Variants in IFITM10 observed in about 807,000 individuals in gnomAD.
IFITM10 encodes interferon induced transmembrane protein 10, also known as interferon-induced transmembrane protein 10.
Under a neutral mutation model 19.0 loss-of-function variants are expected in IFITM10, and 17 were observed. That is an observed-to-expected ratio of 0.90 (90% CI 0.61 to 1.34). The LOEUF (loss-of-function observed/expected upper bound fraction) is 1.34. Ranked by LOEUF, IFITM10 falls within the 40% of genes most tolerant of loss-of-function variation. The pLI, the probability that IFITM10 is intolerant of heterozygous loss-of-function variation, is 0.00. For missense variants in IFITM10, 306 were observed against 319.8 expected, an observed-to-expected ratio of 0.96 and a Z score of 0.33; for synonymous variants, 148 against 147.2, an observed-to-expected ratio of 1.01 and a Z score of -0.04.
chr11:1,747,807 T>C lies in IFITM10; in HGVS notation c.397A>G (p.Thr133Ala). 1 of 1,550,302 alleles carries C rather than the reference T, an allele frequency of 6.5e-7. No homozygotes were observed. Among genetic ancestry groups the C allele is most frequent in the Non-Finnish European group, 8.7e-7 (1 of 1,145,908 alleles). Residue 133 changes from threonine to alanine, a missense_variant, in exon 2 of 3, where the codon ACG (threonine) becomes GCG (alanine). Coordinates refer to ENST00000340134, the MANE Select transcript of IFITM10 (RefSeq NM_001170820.4). ...PACKHLAEKK[T>A]MTNPTTVIEV... ...ATGACGGTCGTGGGGTTGGTCATCG[T>C]CTTCTTCTCGGCTAGGTGCTTGCAG...
At chr11:1,738,481 T>C (rs1421576002) in intron 2 of IFITM10, among the ~76,000 whole-genome samples, 1 of 152,184 alleles carries the variant, frequency 6.6e-6, no homozygotes, top group Non-Finnish European at 1.5e-5. Context: ...TATGAATATA[T>C]GTCCAAGTGG....
intron 2 of IFITM10, among the ~76,000 whole-genome samples, chr11:1,739,962 G>A (rs957875369): frequency 1.3e-5 from 2 of 152,142 alleles, no homozygotes; most frequent in African/African-American, 4.8e-5. Flanking sequence ...AAAGATGAAC[G>A]TGATATGACA....
At chr11:1,746,860 G>A (rs1845656744) in intron 2 of IFITM10, 1 of 398,464 alleles carries the variant, frequency 2.5e-6, no homozygotes, top group Non-Finnish European at 4.4e-6. Context: ...GTGCGTCGGG[G>A]TGGGGAGGAG....
chr11:1,746,540 G>T, intron 2 of IFITM10: 1 of 398,632 alleles, frequency 2.5e-6, no homozygotes, highest in Non-Finnish European at 4.4e-6. Context: ...GAGGTTGAAG[G>T]TGCCCGTGCC....
At chr11:1,736,526 G>A (rs1851088514) in intron 2 of IFITM10, among the ~76,000 whole-genome samples, 1 of 152,208 alleles carries the variant, frequency 6.6e-6, no homozygotes, top group Non-Finnish European at 1.5e-5. Context: ...CAATTCAGTG[G>A]AGTGGAATGG....
intron 2 of IFITM10, chr11:1,746,736 T>A: frequency 2.5e-6 from 1 of 398,826 alleles, no homozygotes. Context: ...CCCTGTCTTC[T>A]CCCCCACCCG....
chr11:1,746,299 TAC>T (rs1310812721), intron 2 of IFITM10: 2 of 350,160 alleles, frequency 5.7e-6, no homozygotes, highest in Admixed American at 9.6e-5. Flanking sequence ...CATTCACATG[TAC>T]ACACATGCAA....
chr11:1,749,035 C>T, intron 1 of IFITM10: 2 of 1,093,652 alleles, frequency 1.8e-6, no homozygotes, highest in Middle Eastern at 2.8e-4. Flanking sequence ...CTCCTCGGCG[C>T]GCGGCCGGAC....
At chr11:1,746,886 C>T (rs1845657025) in intron 2 of IFITM10, 4 of 397,972 alleles carry the variant, frequency 1.0e-5, no homozygotes, top group South Asian at 1.4e-4. Context: ...CGGGGCCTGC[C>T]CTCGCCCTCA....
chr11:1,750,506 T>A lies in IFITM10; in HGVS notation c.-64A>T, dbSNP rs1169491338. The A allele has an allele frequency of 6.5e-7, 1 of 1,543,954 alleles. No homozygotes were observed. Among genetic ancestry groups the A allele is most frequent in the East Asian group, 2.4e-5 (1 of 40,870 alleles). ...CCTCTGCCACTCTCAACTGGCCTCC[T>A]GTGTCTCCGCAACCCTCTTTCCTGT... On this transcript the variant is annotated 5_prime_UTR_variant, in exon 1 of 3. Transcript: ENST00000340134.
At chr11:1,740,390 G>T (rs1391120172) in intron 2 of IFITM10, among the ~76,000 whole-genome samples, 7 of 151,730 alleles carry the variant, frequency 4.6e-5, no homozygotes, top group Non-Finnish European at 1.0e-4. Flanking sequence ...AGGGTGGCTT[G>T]GACCAGGGCA....
intron 2 of IFITM10, among the ~76,000 whole-genome samples, chr11:1,740,746 T>C (rs1339261307): frequency 3.9e-5 from 6 of 152,154 alleles, no homozygotes; most frequent in South Asian, 2.1e-4. Flanking sequence ...AAAACTGATA[T>C]AGTTTGAACA....
At chr11:1,742,508 G>A (rs1267730140) in intron 2 of IFITM10, among the ~76,000 whole-genome samples, 1 of 152,062 alleles carries the variant, frequency 6.6e-6, no homozygotes, top group Non-Finnish European at 1.5e-5. Context: ...TATGAAGGAG[G>A]CACTCAGTGA....
At chr11:1,738,827 G>A (rs1416642087) in intron 2 of IFITM10, among the ~76,000 whole-genome samples, 2 of 151,990 alleles carry the variant, frequency 1.3e-5, no homozygotes, top group African/African-American at 2.4e-5. Flanking sequence ...TTGGGAGGCC[G>A]AGGCGGGTGG....
chr11:1,743,029 GTGGATGGATGGA>G (rs968194444), intron 2 of IFITM10, among the ~76,000 whole-genome samples: 1 of 147,938 alleles, frequency 6.8e-6, no homozygotes, highest in Non-Finnish European at 1.5e-5. Context: ...TGGATTGAGG[GTGGATGGATGGA>G]TGGATGAAGG....
chr11:1,748,383 A>G lies in IFITM10; in HGVS notation c.85-264T>C, dbSNP rs1269585530. On this transcript the variant is annotated intron_variant, in intron 1 of 2. Transcript: ENST00000340134. ...CATAAACACTCACCCACTGACACAC[A>G]CAACAGCACCCCCCGCCCCGAAGCA... 7 of 390,082 alleles carry G rather than the reference A, an allele frequency of 1.8e-5. No individual in the cohort carries two copies. The East Asian group carries it at 2.2e-4, about 12-fold the overall frequency. 24.2% of individuals were successfully genotyped at this position (390,082 alleles called of 1,614,324 possible).
intron 2 of IFITM10, chr11:1,746,283 C>G: frequency 3.1e-6 from 1 of 324,372 alleles, no homozygotes; most frequent in African/African-American, 2.1e-5. Context: ...CACATGCACA[C>G]ATATGCATTC....
At chr11:1,741,367 G>T (rs1228294392) in intron 2 of IFITM10, among the ~76,000 whole-genome samples, 1 of 151,712 alleles carries the variant, frequency 6.6e-6, no homozygotes, top group African/African-American at 2.4e-5. Context: ...AAAAGTACAA[G>T]CAGAGGTGGG....
intron 2 of IFITM10, among the ~76,000 whole-genome samples, chr11:1,742,996 T>TGGATGGAC (rs548845660): frequency 8.6e-6 from 1 of 116,678 alleles, no homozygotes; most frequent in African/African-American, 3.4e-5. Flanking sequence ...GACATATGGA[T>TGGATGGAC]GGATGAAAGA....
Sources: allele counts gnomAD v4.1 joint callset (sites outside exome capture counted in the v4.1 genomes callset), GRCh38; gene constraint gnomAD v4.1.1; transcripts MANE v1.5; gene names NCBI Gene and HGNC (gene_info 2026-07-23, HGNC 2026-07-21).